Variants in EPHB1 observed in about 807,000 individuals in gnomAD.
The protein encoded by EPHB1 is EPH receptor B1.
A neutral mutation model predicts 94.4 loss-of-function variants in EPHB1; 30 were observed. The ratio of observed to expected loss-of-function variants is 0.32; its 90% CI spans 0.24 to 0.43. EPHB1 has a LOEUF of 0.43. Ranked by LOEUF, EPHB1 falls within the 20% of genes least tolerant of loss-of-function variation. The pLI, the probability that EPHB1 is intolerant of heterozygous loss-of-function variation, is 1.00. For synonymous variants in EPHB1, 522 were observed against 489.1 expected (o/e 1.07, Z -0.89); for missense variants, 1,055 against 1,308.3 (o/e 0.81, Z 2.99).
At chr3:134,805,467 C>T (rs1486593005) in intron 1 of EPHB1, among the ~76,000 whole-genome samples, 3 of 152,262 alleles carry the variant, frequency 2.0e-5, no homozygotes, top group South Asian at 2.1e-4. Context: ...GGTGTGAATC[C>T]GTTGCTGGCT....
At chr3:135,019,211 C>T (rs145798876) in intron 3 of EPHB1, among the ~76,000 whole-genome samples, 1 of 152,262 alleles carries the variant, frequency 6.6e-6, no homozygotes, top group Admixed American at 6.5e-5. Flanking sequence ...GAGCAAGATT[C>T]TTCCCTACCT....
At position 134,993,462 on chromosome 3, in the gene EPHB1, G is replaced by A. The variant is rs36093; in HGVS notation, c.805+41410G>A. On this transcript the variant is annotated intron_variant, in intron 3 of 15. Transcript: ENST00000398015. ...TGGAACAAGATCAGCTTGTGACAGG[G>A]ATCAATTGATCGGGGACTGGAGAGA... 2.2e-3 allele frequency among the ~76,000 whole-genome samples: 334 copies of A among 152,274 alleles called. 2 individuals carry two copies. Among genetic ancestry groups the A allele is most frequent in the African/African-American group, 7.6e-3 (315 of 41,562 alleles).
intron 1 of EPHB1, among the ~76,000 whole-genome samples, chr3:134,889,522 G>T (rs9874291): frequency 0.52 from 79,127 of 151,754 alleles, 20,921 homozygotes; most frequent in South Asian, 0.62. Flanking sequence ...TTTCTAAACT[G>T]TATATTTTAT....
chr3:135,029,763 G>T (rs994850653), intron 3 of EPHB1, among the ~76,000 whole-genome samples: 1 of 151,840 alleles, frequency 6.6e-6, no homozygotes, highest in South Asian at 2.1e-4. Flanking sequence ...GAATCTGAAC[G>T]TTGGCCTGCC....
intron 5 of EPHB1, among the ~76,000 whole-genome samples, chr3:135,147,455 A>G (rs1409332405): frequency 2.0e-5 from 3 of 152,218 alleles, no homozygotes; most frequent in African/African-American, 7.2e-5. Context: ...ATTATTCTTC[A>G]ACCCAAATAT....
intron 12 of EPHB1, among the ~76,000 whole-genome samples, chr3:135,202,239 A>G (rs1942777728): frequency 6.6e-6 from 1 of 152,184 alleles, no homozygotes; most frequent in Non-Finnish European, 1.5e-5. Context: ...CCAACTGCCT[A>G]GTTCACACAA....
At chr3:134,889,310 C>A (rs2037921179) in intron 1 of EPHB1, among the ~76,000 whole-genome samples, 1 of 151,842 alleles carries the variant, frequency 6.6e-6, no homozygotes, top group Non-Finnish European at 1.5e-5. Flanking sequence ...ATTGCAAATT[C>A]TGCACTCATT....
chr3:135,083,407 G>A (rs959235281), intron 3 of EPHB1, among the ~76,000 whole-genome samples: 20 of 152,034 alleles, frequency 1.3e-4, no homozygotes, highest in Admixed American at 2.6e-4. Context: ...AGAGATGACA[G>A]GACCTGGTGA....
intron 1 of EPHB1, among the ~76,000 whole-genome samples, chr3:134,862,961 G>T (rs2037298907): frequency 6.6e-6 from 1 of 152,206 alleles, no homozygotes. Flanking sequence ...CAGTGGTACG[G>T]CTTTTCTGAA....
chr3:134,882,765 C>CTTTCTTTCTTT lies in EPHB1; in HGVS notation c.59-43051_59-43050insTTTCTTTCTTT, dbSNP rs1553861895. Among the ~76,000 whole-genome samples the CTTTCTTTCTTT allele has an allele frequency of 6.5e-3, 518 of 79,886 alleles. 11 individuals are homozygous for CTTTCTTTCTTT. The highest frequency in any genetic ancestry group is 8.9e-3 in the South Asian group (18 of 2,020). 52.4% of individuals were successfully genotyped at this position (79,886 alleles called of 152,430 possible). Reference sequence around the variant, plus strand: ...TTCTTTCTTCCTTTCTTCCTTCCTTCCTTTCTTTCTTTCTTTCTTTCTTTC... The same window carrying CTTTCTTTCTTT: ...TTCTTTCTTCCTTTCTTCCTTCCTTCTTTCTTTCTTTCTTTCTTTCTTTCTTTCTTTCTTTC... On this transcript the variant is annotated intron_variant, in intron 1 of 15. Transcript: ENST00000398015.
chr3:134,877,667 T>C (rs972512486), intron 1 of EPHB1, among the ~76,000 whole-genome samples: 1 of 152,222 alleles, frequency 6.6e-6, no homozygotes, highest in Admixed American at 6.5e-5. Context: ...TTCAAAGTTG[T>C]TCCCTATAAC....
At chr3:134,932,539 C>T (rs1025212164) in intron 2 of EPHB1, among the ~76,000 whole-genome samples, 1 of 152,190 alleles carries the variant, frequency 6.6e-6, no homozygotes, top group South Asian at 2.1e-4. Context: ...GGCTATTTTT[C>T]TGGATCTGCA....
intron 12 of EPHB1, among the ~76,000 whole-genome samples, chr3:135,237,260 C>T (rs1020631427): frequency 4.7e-5 from 7 of 148,498 alleles, no homozygotes; most frequent in African/African-American, 1.8e-4. Flanking sequence ...GATATCTTCT[C>T]GTAGTTCACC....
intron 3 of EPHB1, among the ~76,000 whole-genome samples, chr3:135,006,247 A>T (rs1222733929): frequency 6.6e-6 from 1 of 152,234 alleles, no homozygotes; most frequent in Non-Finnish European, 1.5e-5. Context: ...AAGGACAAAT[A>T]TTGTATGATT....
intron 5 of EPHB1, among the ~76,000 whole-genome samples, chr3:135,148,429 T>G (rs777901305): frequency 2.0e-5 from 3 of 152,194 alleles, no homozygotes; most frequent in Non-Finnish European, 4.4e-5. Context: ...GATAGAGTCA[T>G]GCCACCATCT....
At chr3:135,191,641 T>A (rs2107709525) in intron 10 of EPHB1, among the ~76,000 whole-genome samples, 1 of 152,328 alleles carries the variant, frequency 6.6e-6, no homozygotes, top group East Asian at 1.9e-4. Context: ...AACAGATTTT[T>A]TTTTTTTTTT....
intron 1 of EPHB1, among the ~76,000 whole-genome samples, chr3:134,833,931 C>T (rs1376707324): frequency 6.6e-6 from 1 of 152,096 alleles, no homozygotes; most frequent in African/African-American, 2.4e-5. Context: ...ACGGAGGCCC[C>T]CAGAGCGTGA....
At chr3:134,859,324 G>A (rs2037193683) in intron 1 of EPHB1, among the ~76,000 whole-genome samples, 2 of 152,176 alleles carry the variant, frequency 1.3e-5, no homozygotes, top group African/African-American at 2.4e-5. Context: ...TTAATCAGGA[G>A]GATTAAGGGA....
At position 135,253,092 on chromosome 3, in the gene EPHB1, A is replaced by T. The variant is rs1244599971; in HGVS notation, c.2846+3601A>T. On this transcript the variant is annotated intron_variant, in intron 15 of 15. Coordinates refer to ENST00000398015, the MANE Select transcript of EPHB1 (RefSeq NM_004441.5). ...TTTTCTTGTAAATTTGTTTGAGTTC[A>T]TTGTAGATTCTGGATATTAGCCCTT... 2.0e-5 allele frequency among the ~76,000 whole-genome samples: 3 copies of T among 149,104 alleles called. No homozygotes were observed. The East Asian group carries it at 6.0e-4, about 30-fold the overall frequency.
Sources: allele counts gnomAD v4.1 joint callset (sites outside exome capture counted in the v4.1 genomes callset), GRCh38; gene constraint gnomAD v4.1.1; transcripts MANE v1.5; gene names NCBI Gene and HGNC (gene_info 2026-07-23, HGNC 2026-07-21).